MCF2: variants seen among roughly 807,000 people sequenced by gnomAD.
MCF2 encodes MCF.2 cell line derived transforming sequence, also known as proto-oncogene DBL.
A neutral mutation model predicts 82.5 loss-of-function variants in MCF2; 44 were observed. The observed-to-expected ratio is 0.53, with a 90% CI of 0.42 to 0.69. The LOEUF (loss-of-function observed/expected upper bound fraction) is 0.69. Ranked by LOEUF, MCF2 falls within the 30% of genes least tolerant of loss-of-function variation. The pLI is 0.00. For missense variants in MCF2, 623 were observed against 663.1 expected, an observed-to-expected ratio of 0.94 and a Z score of 0.66; for synonymous variants, 217 against 224.9, an observed-to-expected ratio of 0.96 and a Z score of 0.32.
chrX:139,628,517 G>A (rs767580948), intron 4 of MCF2, among the ~76,000 whole-genome samples: 8 of 111,231 alleles, frequency 7.2e-5, no homozygotes, highest in African/African-American at 9.8e-5. Context: ...TACCTATCTG[G>A]TACTATGCTC....
At chrX:139,689,804 C>T (rs1193463142) in intron 1 of MCF2, among the ~76,000 whole-genome samples, 3 of 110,119 alleles carry the variant, frequency 2.7e-5, no homozygotes, top group Non-Finnish European at 3.8e-5. Flanking sequence ...CTAAGTGAAG[C>T]CAATCATTTT....
chrX:139,617,549 G>A, exon 8 of MCF2: 2 of 1,195,700 alleles, frequency 1.7e-6, no homozygotes, highest in Non-Finnish European at 2.3e-6. Context: ...AGGTCCTGCT[G>A]AGTTGTATCC....
intron 1 of MCF2, among the ~76,000 whole-genome samples, chrX:139,675,799 A>C (rs902373360): frequency 8.9e-6 from 1 of 112,586 alleles, no homozygotes; most frequent in African/African-American, 3.2e-5. Context: ...TTGAGGAGGC[A>C]GTCCGTCTGT....
At chrX:139,586,277 G>C (rs907331637) in intron 23 of MCF2, 101 bp downstream of exon 27, 15 of 589,210 alleles carry the variant, frequency 2.5e-5, no homozygotes, top group Non-Finnish European at 4.2e-5. Context: ...ACTGTATTTT[G>C]TTTATACAAA....
intron 1 of MCF2, 21 bp from the exon 5 acceptor site, chrX:139,632,475 A>C: frequency 8.4e-7 from 1 of 1,185,097 alleles, no homozygotes; most frequent in East Asian, 3.0e-5. Context: ...AAAGAACAAA[A>C]GAAATTGGAA....
rs148299115 is a variant in MCF2, at chrX:139,634,301, G to C, written c.52-1847C>G. Among the ~76,000 whole-genome samples, 117 of 112,019 alleles carry C rather than the reference G, an allele frequency of 1.0e-3. 1 individual carries two copies. The East Asian group carries it at 0.031, about 29-fold the overall frequency. ...AACTATAAACTAAGAATAAGATACT[G>C]TGGGGCAAGGAGTTTATGGGAACTC... On this transcript the variant is annotated intron_variant, in intron 1 of 24. Coordinates refer to ENST00000370576, the Ensembl canonical transcript of MCF2.
At chrX:139,587,637 CTTTAA>C (rs1255488871) in intron 22 of MCF2, 74 bp downstream of exon 26, 2 of 657,639 alleles carry the variant, frequency 3.0e-6, no homozygotes, top group East Asian at 6.7e-5. Context: ...GTCAGAGATA[CTTTAA>C]TTACATTGCT....
At chrX:139,650,447 C>A (rs1043652529) in intron 2 of MCF2, among the ~76,000 whole-genome samples, 9 of 111,669 alleles carry the variant, frequency 8.1e-5, no homozygotes, top group Middle Eastern at 4.7e-3. Flanking sequence ...GTAAACTGAG[C>A]ATGTGAGTGC....
At chrX:139,607,436 G>C (rs1931129379) in intron 12 of MCF2, 1 of 200,603 alleles carries the variant, frequency 5.0e-6, no homozygotes, top group Non-Finnish European at 9.2e-6. Flanking sequence ...TTTTAAGAAT[G>C]ATAAACGAAA....
In MCF2 at chrX:139,596,709, T is replaced by C. The variant is rs748076950; in HGVS notation, c.2117A>G (p.His706Arg). 3.3e-6 allele frequency: 4 copies of C among 1,208,427 alleles called. No individual in the cohort carries two copies. The African/African-American group carries it at 5.3e-5, about 16-fold the overall frequency. Residue 706 changes from histidine to arginine, a missense_variant, in exon 19 of 25, where the codon CAC (histidine) becomes CGC (arginine). Coordinates refer to ENST00000370576, the Ensembl canonical transcript of MCF2. ...CTTCATTTTTGTAGCACCTTTCTTG[T>C]GCCCTATCCAAACGCTGAATCCACC...
intron 1 of MCF2, chrX:139,692,130 C>T: frequency 8.7e-7 from 1 of 1,153,296 alleles, no homozygotes; most frequent in African/African-American, 1.8e-5. Context: ...GGGCATGTGC[C>T]TGGCCGCCCG....
intron 16 of MCF2, among the ~76,000 whole-genome samples, chrX:139,601,246 TG>T (rs1321118558): frequency 9.0e-6 from 1 of 111,502 alleles, no homozygotes; most frequent in Non-Finnish European, 1.9e-5. Context: ...CAAGTAAATT[TG>T]TACAGGAGGT....
intron 6 of MCF2, among the ~76,000 whole-genome samples, chrX:139,621,836 A>G (rs1259271494): frequency 9.0e-6 from 1 of 111,669 alleles, no homozygotes; most frequent in Non-Finnish European, 1.9e-5. Flanking sequence ...CTTCATGTCT[A>G]AAACACCGAA....
intron 20 of MCF2, among the ~76,000 whole-genome samples, chrX:139,589,325 A>G (rs779760198): frequency 8.9e-6 from 1 of 112,284 alleles, no homozygotes; most frequent in African/African-American, 3.2e-5. Context: ...ACAACTCCAG[A>G]TACAAATATT....
At chrX:139,637,673 A>G (rs1304034164) in intron 1 of MCF2, among the ~76,000 whole-genome samples, 1 of 111,821 alleles carries the variant, frequency 8.9e-6, no homozygotes, top group Non-Finnish European at 1.9e-5. Context: ...AAGTATTTAC[A>G]TGCAGTAGGT....
intron 11 of MCF2, among the ~76,000 whole-genome samples, 160 bp downstream of exon 15, chrX:139,610,141 G>A (rs192315163): frequency 1.8e-5 from 2 of 112,422 alleles, no homozygotes; most frequent in African/African-American, 6.4e-5. Flanking sequence ...GGATATGCCA[G>A]TAATGCAGTG....
intron 19 of MCF2, among the ~76,000 whole-genome samples, chrX:139,594,571 T>C (rs139020767): frequency 0.011 from 1,222 of 111,150 alleles, 8 homozygotes; most frequent in Middle Eastern, 0.023. Flanking sequence ...ATACAAAAAT[T>C]AATTCAAGAT....
At chrX:139,668,253 T>A (rs1333805190) in intron 1 of MCF2, among the ~76,000 whole-genome samples, 1 of 111,497 alleles carries the variant, frequency 9.0e-6, no homozygotes, top group Non-Finnish European at 1.9e-5. Flanking sequence ...TTCCCCAGTT[T>A]CCAGCAGCAA....
intron 1 of MCF2, among the ~76,000 whole-genome samples, chrX:139,680,577 C>T (rs1009538613): frequency 1.8e-5 from 2 of 111,921 alleles, no homozygotes; most frequent in African/African-American, 6.5e-5. Flanking sequence ...CAGCCACAGC[C>T]ACCACTAAAT....
Sources: gnomAD v4.1 joint callset for allele counts (sites outside exome capture counted in the v4.1 genomes callset) on GRCh38, gnomAD v4.1.1 for gene constraint, MANE v1.5 for transcripts, NCBI Gene and HGNC (gene_info 2026-07-23, HGNC 2026-07-21) for gene names.